The following EFNB1 variants were observed in gnomAD, a reference collection of about 807,000 sequenced individuals.
EFNB1 encodes ephrin-B1.
EFNB1 carries 1 observed loss-of-function variant against 18.1 expected under a neutral mutation model. That is an observed-to-expected ratio of 0.06 (90% CI 0.02 to 0.26). The LOEUF (loss-of-function observed/expected upper bound fraction) is 0.26. EFNB1 is among the 10% of genes least tolerant of loss of function. The pLI is 1.00. For missense variants in EFNB1, 221 were observed against 301.8 expected (o/e 0.73, Z 1.98); for synonymous variants, 131 against 127.5 (o/e 1.03, Z -0.19).
At chrX:68,832,802 C>CTG (rs1466072890) in intron 1 of EFNB1, among the ~76,000 whole-genome samples, 17 of 69,864 alleles carry the variant, frequency 2.4e-4, no homozygotes, top group South Asian at 6.2e-4. Flanking sequence ...TTAGGAACCT[C>CTG]TGTGTGTGCG....
At chrX:68,838,040 G>T (rs1271665851) in intron 1 of EFNB1, among the ~76,000 whole-genome samples, 1 of 111,290 alleles carries the variant, frequency 9.0e-6, no homozygotes, top group African/African-American at 3.3e-5. Context: ...AGAAGACATG[G>T]GTCCCAGACA....
intron 1 of EFNB1, among the ~76,000 whole-genome samples, chrX:68,832,811 C>T (rs868412014): frequency 1.4e-4 from 14 of 97,366 alleles, no homozygotes; most frequent in Admixed American, 4.4e-4. Flanking sequence ...TCTGTGTGTG[C>T]GTGTGTGTGT....
chrX:68,838,722 G>A lies in EFNB1; in HGVS notation c.234G>A (p.Leu78=). 8.3e-7 allele frequency: 1 copy of A among 1,211,549 alleles called. No individual in the cohort carries two copies. The change falls in exon 2 of 5, where the codon CTG becomes CTA. Residue 78 remains leucine (L), a synonymous_variant. Transcript: ENST00000204961. ...GGCGGCCCTATGAGTACTACAAGCT[G>A]TACCTGGTGCGGCCTGAGCAGGCAG... ...EAGRPYEYYK[L]YLVRPEQAAA... is the part of the protein sequence containing the mutation.
Position 68,840,833 on chromosome X carries a change from G to T in EFNB1, c.*179G>T. On this transcript the variant is annotated 3_prime_UTR_variant, in exon 5 of 5. Transcript: ENST00000204961. ...CTGGGCTTCGGAGGGGGGTGCTTGT[G>T]CCCCTAACCCCCATGCTCTTGTGCC... 1.9e-6 allele frequency: 1 copy of T among 526,228 alleles called. No homozygotes were observed. Among genetic ancestry groups the T allele is most frequent in the Non-Finnish European group, 3.1e-6 (1 of 318,896 alleles). The allele number at this position is 526,228 out of a possible 1,213,427, so 43.4% of individuals were successfully genotyped here.
intron 1 of EFNB1, among the ~76,000 whole-genome samples, chrX:68,837,953 T>C (rs2080464723): frequency 8.9e-6 from 1 of 112,283 alleles, no homozygotes; most frequent in African/African-American, 3.2e-5. Flanking sequence ...GGCCAGAGAC[T>C]GTGGCCATCA....
chrX:68,840,423 C>G lies in EFNB1; in HGVS notation c.810C>G (p.Arg270=). Residue 270 remains arginine (R), a synonymous_variant, in exon 5 of 5, where the codon CGC becomes CGG. Transcript: ENST00000204961. ...TACTGAAGCTACGCAAGCGGCACCG[C>G]AAGCACACACAGCAGCGGGCGGCTG... ...VLLLKLRKRH[R]KHTQQRAAAL... The G allele has an allele frequency of 8.3e-7, 1 of 1,212,095 alleles. No individual in the cohort carries two copies. The highest frequency in any genetic ancestry group is 1.1e-6 in the Non-Finnish European group (1 of 895,567).
At chrX:68,839,401 T>C (rs1246649610) in intron 2 of EFNB1, among the ~76,000 whole-genome samples, 2 of 112,134 alleles carry the variant, frequency 1.8e-5, no homozygotes, top group Non-Finnish European at 1.9e-5. Flanking sequence ...AGGCAGACCT[T>C]ACCGAGGGGC....
Position 68,841,036 on chromosome X carries a change from G to T in EFNB1, c.*382G>T. 4.9e-6 allele frequency: 1 copy of T among 206,019 alleles called. No homozygotes were observed. Among genetic ancestry groups the T allele is most frequent in the Non-Finnish European group, 9.0e-6 (1 of 111,608 alleles). 17.0% of individuals were successfully genotyped at this position (206,019 alleles called of 1,213,427 possible). Reference sequence around the variant, plus strand: ...TCATCACTGTTTTTAATGCTTTTGTGTTCATTTTTTAGCTGTCAACTCATT... The same window carrying T: ...TCATCACTGTTTTTAATGCTTTTGTTTTCATTTTTTAGCTGTCAACTCATT... On this transcript the variant is annotated 3_prime_UTR_variant, in exon 5 of 5. Coordinates refer to ENST00000204961, the MANE Select transcript of EFNB1 (RefSeq NM_004429.5).
chrX:68,832,758 T>C (rs1006475898), intron 1 of EFNB1, among the ~76,000 whole-genome samples: 7 of 109,118 alleles, frequency 6.4e-5, no homozygotes, highest in African/African-American at 2.3e-4. Context: ...GAGCGCAAGG[T>C]GGGGGGATGG....
chrX:68,836,613 C>T (rs948295150), intron 1 of EFNB1, among the ~76,000 whole-genome samples: 3 of 112,592 alleles, frequency 2.7e-5, no homozygotes, highest in African/African-American at 9.7e-5. Context: ...AAGGCATTTG[C>T]CCAGAGTTCC....
rs2080438651 is a variant in EFNB1 at position 68,829,667 on chromosome X, C to A, written c.-110C>A. On this transcript the variant is annotated 5_prime_UTR_variant, in exon 1 of 5. Coordinates refer to ENST00000204961, the MANE Select transcript of EFNB1 (RefSeq NM_004429.5). ...GGGAGCACTTCAAGGCCGGCGGCTG[C>A]GGAGGATGGGCGCCTGAGCGGCTCC... 2.7e-6 allele frequency: 3 copies of A among 1,128,466 alleles called. No homozygotes were observed. Among genetic ancestry groups the A allele is most frequent in the East Asian group, 3.3e-5 (1 of 30,459 alleles). 93.0% of individuals were successfully genotyped at this position (1,128,466 alleles called of 1,213,427 possible). A position where few individuals can be genotyped will look rare whatever the true frequency, so the allele number is the denominator to read the frequency against.
intron 1 of EFNB1, among the ~76,000 whole-genome samples, chrX:68,834,505 C>T (rs1305849406): frequency 1.8e-5 from 2 of 113,231 alleles, no homozygotes; most frequent in Admixed American, 9.2e-5. Context: ...TGTTCCTGCC[C>T]ACCCACGCCT....
At position 68,841,006 on chromosome X, in the gene EFNB1, C is replaced by G. The variant is rs41312134; in HGVS notation, c.*352C>G. On this transcript the variant is annotated 3_prime_UTR_variant, in exon 5 of 5. Transcript: ENST00000204961. Reference sequence around the variant, plus strand: ...TGCCACCTTCCCAGGACTGCTTGTCCGCTATCATCACTGTTTTTAATGCTT... The same window carrying G: ...TGCCACCTTCCCAGGACTGCTTGTCGGCTATCATCACTGTTTTTAATGCTT... The G allele has an allele frequency of 1.8e-5, 5 of 276,420 alleles. No homozygotes were observed. Among genetic ancestry groups the G allele is most frequent in the Non-Finnish European group, 3.2e-5 (5 of 155,406 alleles). 22.8% of individuals were successfully genotyped at this position (276,420 alleles called of 1,213,427 possible).
intron 1 of EFNB1, among the ~76,000 whole-genome samples, chrX:68,834,593 G>T (rs2080455812): frequency 8.8e-6 from 1 of 113,132 alleles, no homozygotes; most frequent in African/African-American, 3.2e-5. Context: ...AGTTAAAGAG[G>T]AGCCTTTAAT....
At chrX:68,838,145 G>T in intron 1 of EFNB1, among the ~76,000 whole-genome samples, 1 of 46,833 alleles carries the variant, frequency 2.1e-5, no homozygotes, top group East Asian at 4.5e-4. Flanking sequence ...GTGTGTGTGT[G>T]TGTGTGTGTG....
intron 1 of EFNB1, among the ~76,000 whole-genome samples, chrX:68,831,270 C>G (rs1249462080): frequency 9.0e-6 from 1 of 111,105 alleles, no homozygotes; most frequent in Admixed American, 9.5e-5. Context: ...TCTCTCAGCC[C>G]TGGAGTAGGA....
chrX:68,837,134 G>T (rs1052456529), intron 1 of EFNB1, among the ~76,000 whole-genome samples: 14 of 111,514 alleles, frequency 1.3e-4, no homozygotes, highest in African/African-American at 4.6e-4. Flanking sequence ...GCCTGGTGTT[G>T]TCTATCACTC....
intron 1 of EFNB1, among the ~76,000 whole-genome samples, chrX:68,835,657 C>T (rs1251983492): frequency 1.8e-5 from 2 of 111,511 alleles, no homozygotes; most frequent in Non-Finnish European, 3.8e-5. Flanking sequence ...TCTCATCAGG[C>T]TCCGCTCCCT....
At chrX:68,833,175 A>G (rs1252311950) in intron 1 of EFNB1, among the ~76,000 whole-genome samples, 1 of 110,872 alleles carries the variant, frequency 9.0e-6, no homozygotes, top group Non-Finnish European at 1.9e-5. Flanking sequence ...CTCCAAGCCA[A>G]AGTGTTGGCC....
Sources: allele counts gnomAD v4.1 joint callset (sites outside exome capture counted in the v4.1 genomes callset), GRCh38; gene constraint gnomAD v4.1.1; transcripts MANE v1.5; gene names NCBI Gene and HGNC (gene_info 2026-07-23, HGNC 2026-07-21).